TMEFF2: variants seen among roughly 807,000 people sequenced by gnomAD.
TMEFF2 encodes tomoregulin-2.
In TMEFF2, 28 loss-of-function variants were observed where a neutral mutation model predicts 53.8. The ratio of observed to expected loss-of-function variants is 0.52; its 90% CI spans 0.39 to 0.71. The LOEUF is 0.71. Ranked by LOEUF, TMEFF2 falls within the 30% of genes least tolerant of loss-of-function variation. The probability of loss-of-function intolerance (pLI) is 0.00; values close to 1 mark genes in which losing one functional copy is unlikely to be tolerated. For missense variants in TMEFF2, 353 were observed against 455.2 expected, an observed-to-expected ratio of 0.78 and a Z score of 2.04; for synonymous variants, 162 against 166.3, an observed-to-expected ratio of 0.97 and a Z score of 0.20.
In TMEFF2 at chr2:192,183,644, C is replaced by T. The variant is rs79187626; in HGVS notation, c.412+710G>A. On this transcript the variant is annotated intron_variant, in intron 3 of 9. Transcript: ENST00000272771. ...TATCAAGCTTAACTTGAAAACTCAG[C>T]CCCATTTTAAAGCATTCCCCATTTT... is the stretch of plus-strand genomic sequence containing the variant. Among the ~76,000 whole-genome samples the T allele has an allele frequency of 2.0e-5, 3 of 152,124 alleles. No individual in the cohort carries two copies. The East Asian group carries it at 5.8e-4, about 29-fold the overall frequency.
At chr2:192,069,264 C>T (rs1688231556) in intron 4 of TMEFF2, among the ~76,000 whole-genome samples, 1 of 151,870 alleles carries the variant, frequency 6.6e-6, no homozygotes, top group African/African-American at 2.4e-5. Flanking sequence ...GCTAGAACCC[C>T]TGAAGACCTC....
At chr2:191,967,542 C>T (rs1692504660) in intron 7 of TMEFF2, among the ~76,000 whole-genome samples, 2 of 152,090 alleles carry the variant, frequency 1.3e-5, no homozygotes, top group African/African-American at 4.8e-5. Context: ...ATCAGAATTA[C>T]CAGCTGAGGG....
intron 4 of TMEFF2, among the ~76,000 whole-genome samples, chr2:192,157,194 TA>T (rs1465730816): frequency 6.6e-6 from 1 of 152,022 alleles, no homozygotes; most frequent in Admixed American, 6.6e-5. Flanking sequence ...CAAACCCAAA[TA>T]TGGTATAGAT....
intron 4 of TMEFF2, among the ~76,000 whole-genome samples, chr2:192,169,755 CCA>C (rs1690862437): frequency 6.6e-6 from 1 of 151,948 alleles, no homozygotes; most frequent in Non-Finnish European, 1.5e-5. Flanking sequence ...AATGGAAAAT[CCA>C]CAGAGTGTGC....
chr2:192,162,596 A>G lies in TMEFF2; in HGVS notation c.439+17072T>C, dbSNP rs141451454. Among the ~76,000 whole-genome samples, 43 of 152,252 alleles carry G rather than the reference A, an allele frequency of 2.8e-4. 1 individual carries two copies. The highest frequency in any genetic ancestry group is 1.1e-3 in the Admixed American group (17 of 15,290). On this transcript the variant is annotated intron_variant, in intron 4 of 9. Coordinates refer to ENST00000272771, the MANE Select transcript of TMEFF2 (RefSeq NM_016192.4). ...AAAATTTACTTTTCGCCAACCCACAAAATAGGTATGATATGAGCGCCCCCT... is the reference window on the plus strand; with the variant it reads ...AAAATTTACTTTTCGCCAACCCACAGAATAGGTATGATATGAGCGCCCCCT...
intron 4 of TMEFF2, among the ~76,000 whole-genome samples, chr2:192,099,870 A>AC (rs1212519691): frequency 9.1e-4 from 2 of 2,186 alleles, no homozygotes; most frequent in Non-Finnish European, 5.6e-3. Flanking sequence ...AGATCAGTGG[A>AC]AAAAATATAG....
At chr2:191,999,351 C>T (rs188027719) in intron 5 of TMEFF2, 143 bp from the exon 6 acceptor site, 1 of 538,746 alleles carries the variant, frequency 1.9e-6, no homozygotes, top group East Asian at 3.3e-5. Flanking sequence ...AGTTCCTTCA[C>T]TTTTCTAACT....
intron 4 of TMEFF2, among the ~76,000 whole-genome samples, chr2:192,128,077 G>A (rs1159614415): frequency 3.3e-5 from 5 of 152,112 alleles, no homozygotes; most frequent in Non-Finnish European, 7.4e-5. Context: ...TTAGGGCACT[G>A]TAGTTTTTAG....
intron 7 of TMEFF2, among the ~76,000 whole-genome samples, chr2:191,974,169 T>C (rs537163074): frequency 2.6e-5 from 4 of 152,292 alleles, no homozygotes; most frequent in Non-Finnish European, 5.9e-5. Context: ...GTTTTACATG[T>C]AGAGTTAGAA....
chr2:192,185,159 T>C (rs1691280846), intron 2 of TMEFF2, among the ~76,000 whole-genome samples: 2 of 152,034 alleles, frequency 1.3e-5, no homozygotes, highest in African/African-American at 2.4e-5. Context: ...TTCCAAAGTA[T>C]GTCTATTAAT....
At chr2:192,170,132 T>C (rs1265335039) in intron 4 of TMEFF2, among the ~76,000 whole-genome samples, 2 of 152,050 alleles carry the variant, frequency 1.3e-5, no homozygotes, top group South Asian at 4.1e-4. Flanking sequence ...CTCAACACTG[T>C]AAAACTCTCT....
At chr2:191,964,388 T>TTC (rs1444516500) in intron 7 of TMEFF2, among the ~76,000 whole-genome samples, 846 of 42,934 alleles carry the variant, frequency 0.02, 5 homozygotes, top group Middle Eastern at 0.03. Context: ...CTTTCTTTCT[T>TTC]TCTTTCTTTC....
At chr2:192,152,328 A>G (rs1690407083) in intron 4 of TMEFF2, among the ~76,000 whole-genome samples, 1 of 151,930 alleles carries the variant, frequency 6.6e-6, no homozygotes, top group South Asian at 2.1e-4. Flanking sequence ...TTTTCAATTC[A>G]CCAAATCAGA....
chr2:192,022,753 A>G (rs369534500), intron 5 of TMEFF2, among the ~76,000 whole-genome samples: 1 of 151,848 alleles, frequency 6.6e-6, no homozygotes, highest in South Asian at 2.1e-4. Context: ...ATTTACTTGG[A>G]CTCAGGAAAG....
rs568180708 is a variant in TMEFF2, at chr2:191,984,181, TGTTA to T, written c.745+14077_745+14080del. ...GAAATCAAGTCCAGTGAAAAAATTTTGTTAATTAAAAAAATGAATTTCCTTTTTA... is the reference window on the plus strand; with the variant it reads ...GAAATCAAGTCCAGTGAAAAAATTTTATTAAAAAAATGAATTTCCTTTTTA... On this transcript the variant is annotated intron_variant, in intron 7 of 9. Transcript: ENST00000272771. Among the ~76,000 whole-genome samples, 25 of 152,278 alleles carry T rather than the reference TGTTA, an allele frequency of 1.6e-4. 1 individual carries two copies. In the East Asian group the frequency reaches 3.3e-3, roughly 20 times the overall value.
At chr2:192,160,772 G>A (rs79372074) in intron 4 of TMEFF2, among the ~76,000 whole-genome samples, 536 of 152,220 alleles carry the variant, frequency 3.5e-3, no homozygotes, top group East Asian at 0.011. Flanking sequence ...AGGATGTGCA[G>A]AAAGAACAGA....
At chr2:192,014,922 G>A (rs902270522) in intron 5 of TMEFF2, among the ~76,000 whole-genome samples, 1 of 152,176 alleles carries the variant, frequency 6.6e-6, no homozygotes, top group Non-Finnish European at 1.5e-5. Flanking sequence ...GAAAGATGTT[G>A]CCTTTTCACA....
intron 5 of TMEFF2, among the ~76,000 whole-genome samples, chr2:192,055,372 AAAT>A: frequency 6.6e-6 from 1 of 152,176 alleles, no homozygotes; most frequent in Non-Finnish European, 1.5e-5. Context: ...GGGCAGAACT[AAAT>A]AACTGGTATG....
intron 7 of TMEFF2, among the ~76,000 whole-genome samples, chr2:191,975,814 G>T (rs1282398453): frequency 6.6e-6 from 1 of 152,110 alleles, no homozygotes; most frequent in Non-Finnish European, 1.5e-5. Flanking sequence ...GCCTAGCAGA[G>T]GAACAGTTTT....
Sources: gnomAD v4.1 joint callset for allele counts (sites outside exome capture counted in the v4.1 genomes callset) on GRCh38, gnomAD v4.1.1 for gene constraint, MANE v1.5 for transcripts, NCBI Gene and HGNC (gene_info 2026-07-23, HGNC 2026-07-21) for gene names.